Variants in ROBO1 observed in about 807,000 individuals in gnomAD.
ROBO1 encodes roundabout guidance receptor 1, also known as roundabout homolog 1.
ROBO1 carries 149 observed loss-of-function variants against 195.9 expected under a neutral mutation model. That is an observed-to-expected ratio of 0.76 (90% CI 0.67 to 0.87). The LOEUF (loss-of-function observed/expected upper bound fraction) is 0.87. Among genes scored for constraint, ROBO1 ranks in the 40% least tolerant of loss-of-function variants. The probability of loss-of-function intolerance (pLI) is 0.00; values close to 1 mark genes in which losing one functional copy is unlikely to be tolerated. For missense variants in ROBO1, 1,933 were observed against 2,068.3 expected (o/e 0.93, Z 1.27); for synonymous variants, 816 against 733.2 (o/e 1.11, Z -1.82).
At chr3:79,188,290 C>G (rs898315624) in intron 2 of ROBO1, among the ~76,000 whole-genome samples, 2 of 151,844 alleles carry the variant, frequency 1.3e-5, no homozygotes, top group Non-Finnish European at 1.5e-5. Flanking sequence ...AAGGCTGTTG[C>G]TTCTTTGATT....
At chr3:79,662,843 C>T (rs935134874) in intron 1 of ROBO1, among the ~76,000 whole-genome samples, 2 of 151,964 alleles carry the variant, frequency 1.3e-5, no homozygotes, top group African/African-American at 4.8e-5. Context: ...AAGACTGTCA[C>T]TTAGAGCCCT....
At chr3:79,046,363 G>A (rs2078592131) in intron 3 of ROBO1, among the ~76,000 whole-genome samples, 1 of 152,092 alleles carries the variant, frequency 6.6e-6, no homozygotes, top group Non-Finnish European at 1.5e-5. Context: ...CCAACATCTT[G>A]AATGCAGCTT....
intron 4 of ROBO1, among the ~76,000 whole-genome samples, chr3:78,756,615 T>C (rs2082938594): frequency 6.6e-6 from 1 of 152,146 alleles, no homozygotes; most frequent in Non-Finnish European, 1.5e-5. Flanking sequence ...AGGGCACTTA[T>C]TTCAGAATTT....
intron 16 of ROBO1, chr3:78,660,554 G>A (rs1707329774): frequency 6.5e-6 from 1 of 152,902 alleles, no homozygotes; most frequent in African/African-American, 2.4e-5. Flanking sequence ...TTAATTTCTA[G>A]GAATAGGGTG....
intron 1 of ROBO1, among the ~76,000 whole-genome samples, chr3:79,612,487 C>T (rs1361306663): frequency 1.3e-5 from 2 of 151,982 alleles, no homozygotes; most frequent in Non-Finnish European, 2.9e-5. Flanking sequence ...CTGCAATAAA[C>T]ATACGGGTGC....
intron 2 of ROBO1, among the ~76,000 whole-genome samples, chr3:79,344,370 C>G (rs2130377): frequency 4.6e-5 from 7 of 152,006 alleles, no homozygotes; most frequent in African/African-American, 1.4e-4. Context: ...ACAGTCCTAT[C>G]GTGCAAAAGA....
chr3:79,017,764 G>A (rs1410628395), intron 3 of ROBO1, among the ~76,000 whole-genome samples: 1 of 151,966 alleles, frequency 6.6e-6, no homozygotes, highest in Admixed American at 6.6e-5. Context: ...GAATCCCCAG[G>A]CAACTCCCCT....
intron 2 of ROBO1, among the ~76,000 whole-genome samples, chr3:79,165,570 C>T (rs899379239): frequency 6.6e-6 from 1 of 152,180 alleles, no homozygotes; most frequent in Admixed American, 6.5e-5. Flanking sequence ...TAATGGGGAG[C>T]AATGGGTTCC....
chr3:78,626,389 C>T (rs980179275), intron 26 of ROBO1, among the ~76,000 whole-genome samples: 5 of 152,038 alleles, frequency 3.3e-5, no homozygotes, highest in Non-Finnish European at 7.4e-5. Flanking sequence ...TAATTTGAAT[C>T]TGGTAATAGA....
chr3:78,654,645 A>G (rs1706882878), intron 18 of ROBO1, among the ~76,000 whole-genome samples: 1 of 152,220 alleles, frequency 6.6e-6, no homozygotes, highest in Non-Finnish European at 1.5e-5. Context: ...ATGACTAATG[A>G]ATTAAAACAG....
chr3:79,566,211 A>G (rs1943085607), intron 2 of ROBO1, among the ~76,000 whole-genome samples: 1 of 152,174 alleles, frequency 6.6e-6, no homozygotes, highest in South Asian at 2.1e-4. Context: ...AAACAACTTA[A>G]TAACATTAGT....
intron 2 of ROBO1, among the ~76,000 whole-genome samples, chr3:79,268,509 A>G (rs1168212482): frequency 6.6e-6 from 1 of 151,638 alleles, no homozygotes; most frequent in African/African-American, 2.4e-5. Context: ...ATAGACTTGA[A>G]TTACATTGTT....
intron 4 of ROBO1, among the ~76,000 whole-genome samples, chr3:78,911,599 A>T (rs2038243585): frequency 6.6e-6 from 1 of 152,036 alleles, no homozygotes; most frequent in Non-Finnish European, 1.5e-5. Context: ...TCCTGATCCT[A>T]CTGAGTAAGG....
intron 3 of ROBO1, among the ~76,000 whole-genome samples, chr3:78,949,988 A>G (rs1024286559): frequency 9.9e-5 from 15 of 152,234 alleles, no homozygotes; most frequent in Non-Finnish European, 7.4e-5. Flanking sequence ...TTAGAATGGC[A>G]ATCATTAAAA....
chr3:78,602,345 C>T (rs1286234442), intron 29 of ROBO1, among the ~76,000 whole-genome samples: 1 of 152,112 alleles, frequency 6.6e-6, no homozygotes, highest in Non-Finnish European at 1.5e-5. Flanking sequence ...TCTGCCTTCA[C>T]CTTCCGCCAT....
chr3:78,866,566 T>C (rs1198582908), intron 4 of ROBO1, among the ~76,000 whole-genome samples: 3 of 152,334 alleles, frequency 2.0e-5, no homozygotes, highest in South Asian at 2.1e-4. Context: ...TAATATTATA[T>C]AGAGCTAGAA....
rs777739119 is a variant in ROBO1, at chr3:78,639,814, G to C, written c.2967C>G (p.Asp989Glu). The part of the protein sequence containing the change: ...TWPNTGNNHN[D>E]CSISCCTAGN... ...CTGCCGTGCAGCAGCTGATGGAGCA[G>C]TCATTGTGGTTGTTGCCAGTATTAG... Residue 989 changes from aspartate (D) to glutamate (E), a missense_variant, in exon 22 of 31, where the codon GAC (aspartate) becomes GAG (glutamate). Asp to Glu is a conservative substitution (Grantham distance 45). Coordinates refer to ENST00000464233, the MANE Select transcript of ROBO1 (RefSeq NM_002941.4). 1 of 1,613,544 alleles carries C rather than the reference G, an allele frequency of 6.2e-7. No individual in the cohort carries two copies. Among genetic ancestry groups the C allele is most frequent in the Admixed American group, 1.7e-5 (1 of 60,008 alleles).
intron 4 of ROBO1, among the ~76,000 whole-genome samples, chr3:78,834,255 G>A (rs979561110): frequency 6.6e-6 from 1 of 151,526 alleles, no homozygotes; most frequent in African/African-American, 2.4e-5. Flanking sequence ...CTAATAAAGA[G>A]GAGAGAAAGA....
At chr3:78,909,452 T>C (rs2038117889) in intron 4 of ROBO1, among the ~76,000 whole-genome samples, 1 of 151,658 alleles carries the variant, frequency 6.6e-6, no homozygotes, top group Middle Eastern at 3.2e-3. Context: ...TGCCCAAGAG[T>C]TGCAAACACA....
Sources: gnomAD v4.1 joint callset for allele counts (sites outside exome capture counted in the v4.1 genomes callset) on GRCh38, gnomAD v4.1.1 for gene constraint, MANE v1.5 for transcripts, NCBI Gene and HGNC (gene_info 2026-07-23, HGNC 2026-07-21) for gene names.